Variants in RIMS2 observed in about 807,000 individuals in gnomAD.
The protein encoded by RIMS2 is regulating synaptic membrane exocytosis protein 2.
In RIMS2, 59 loss-of-function variants were observed where a neutral mutation model predicts 174.4. That is an observed-to-expected ratio of 0.34 (90% confidence interval 0.27 to 0.42). The LOEUF (loss-of-function observed/expected upper bound fraction) is 0.42, where lower values mean the gene tolerates loss of function less well. Ranked by LOEUF, RIMS2 falls within the 10% of genes least tolerant of loss-of-function variation. The pLI, the probability that RIMS2 is intolerant of heterozygous loss-of-function variation, is 1.00. For synonymous variants in RIMS2, 606 were observed against 572.5 expected, an observed-to-expected ratio of 1.06 and a Z score of -0.84; for missense variants, 1,620 against 1,666.3, an observed-to-expected ratio of 0.97 and a Z score of 0.48.
At chr8:103,647,788 T>C (rs1370718378) in intron 1 of RIMS2, among the ~76,000 whole-genome samples, 9 of 152,000 alleles carry the variant, frequency 5.9e-5, no homozygotes, top group African/African-American at 2.2e-4. Flanking sequence ...TTTCTGATTG[T>C]GTTTATTTGA....
chr8:103,595,460 CT>C (rs1224567561), intron 1 of RIMS2, among the ~76,000 whole-genome samples: 1 of 151,690 alleles, frequency 6.6e-6, no homozygotes. Context: ...CAATAATTGG[CT>C]GTGGGGCCCT....
intron 1 of RIMS2, among the ~76,000 whole-genome samples, chr8:103,573,643 T>G (rs1208908654): frequency 6.6e-6 from 1 of 152,176 alleles, no homozygotes; most frequent in African/African-American, 2.4e-5. Context: ...AGTTGGGTAA[T>G]GTGATACCTC....
At chr8:103,989,233 C>A in intron 16 of RIMS2, 72 bp from the exon 19 acceptor site, 1 of 938,084 alleles carries the variant, frequency 1.1e-6, no homozygotes, top group South Asian at 1.5e-5. Flanking sequence ...TTCTACTGTG[C>A]TTTAAAATAA....
At chr8:104,083,182 G>A (rs2097458395) in intron 19 of RIMS2, among the ~76,000 whole-genome samples, 1 of 152,046 alleles carries the variant, frequency 6.6e-6, no homozygotes, top group Non-Finnish European at 1.5e-5. Flanking sequence ...CAATTCTCAG[G>A]CCCCTTCAGG....
intron 19 of RIMS2, among the ~76,000 whole-genome samples, chr8:104,070,543 G>A (rs938702761): frequency 2.3e-4 from 35 of 152,026 alleles, no homozygotes; most frequent in Non-Finnish European, 3.8e-4. Context: ...TTTTTCATTT[G>A]TTTGTTTTGT....
intron 17 of RIMS2, among the ~76,000 whole-genome samples, chr8:103,992,737 T>C (rs766172934): frequency 6.6e-6 from 1 of 152,220 alleles, no homozygotes; most frequent in African/African-American, 2.4e-5. Flanking sequence ...GTCAAAATCC[T>C]ATTCTGCTTT....
chr8:104,047,678 A>T (rs1198449067), intron 19 of RIMS2, among the ~76,000 whole-genome samples: 1 of 152,282 alleles, frequency 6.6e-6, no homozygotes, highest in East Asian at 1.9e-4. Flanking sequence ...TTTATTTCAA[A>T]TCATCTGCAT....
intron 1 of RIMS2, among the ~76,000 whole-genome samples, chr8:103,644,112 T>C (rs1374823223): frequency 2.6e-5 from 4 of 151,996 alleles, no homozygotes; most frequent in African/African-American, 2.4e-5. Context: ...ATAATACTTA[T>C]GCAAGTGTGT....
intron 1 of RIMS2, among the ~76,000 whole-genome samples, chr8:103,603,326 CTCA>C (rs1370185736): frequency 2.0e-5 from 3 of 151,862 alleles, no homozygotes; most frequent in Non-Finnish European, 4.4e-5. Flanking sequence ...AGGACATGAA[CTCA>C]TCATGTTTTA....
intron 1 of RIMS2, among the ~76,000 whole-genome samples, chr8:103,523,643 TAG>T (rs1832736963): frequency 6.6e-6 from 1 of 152,078 alleles, no homozygotes; most frequent in African/African-American, 2.4e-5. Context: ...GTCAGTGTTA[TAG>T]AGTGAGGGCA....
chr8:103,867,445 A>T (rs2099089189), intron 3 of RIMS2, among the ~76,000 whole-genome samples: 1 of 151,842 alleles, frequency 6.6e-6, no homozygotes, highest in Non-Finnish European at 1.5e-5. Context: ...TATTGGCTTA[A>T]ATAAATTATA....
intron 3 of RIMS2, among the ~76,000 whole-genome samples, chr8:103,865,056 C>T (rs557697065): frequency 6.6e-6 from 1 of 151,878 alleles, no homozygotes; most frequent in Non-Finnish European, 1.5e-5. Flanking sequence ...TCATAGCACA[C>T]ATAGAAAATG....
intron 1 of RIMS2, among the ~76,000 whole-genome samples, chr8:103,588,081 C>A (rs1021864033): frequency 6.6e-6 from 1 of 151,678 alleles, no homozygotes; most frequent in Non-Finnish European, 1.5e-5. Context: ...AAGCAACATA[C>A]AAAATCAGTA....
At chr8:103,622,475 G>C (rs1039682961) in intron 1 of RIMS2, among the ~76,000 whole-genome samples, 1 of 151,924 alleles carries the variant, frequency 6.6e-6, no homozygotes, top group Non-Finnish European at 1.5e-5. Flanking sequence ...TATCTTTCCT[G>C]TCTCTATTTT....
chr8:104,055,881 C>T (rs2096860093), intron 19 of RIMS2, among the ~76,000 whole-genome samples: 1 of 151,962 alleles, frequency 6.6e-6, no homozygotes, highest in Admixed American at 6.6e-5. Context: ...CTGGCTAATC[C>T]TCTCTTTCTT....
At chr8:103,855,540 AT>A (rs2099023060) in intron 3 of RIMS2, among the ~76,000 whole-genome samples, 1 of 151,914 alleles carries the variant, frequency 6.6e-6, no homozygotes, top group Admixed American at 6.6e-5. Context: ...CATCTCAGAG[AT>A]TTTGGTAAGT....
chr8:103,863,506 C>T (rs1002952252), intron 3 of RIMS2, among the ~76,000 whole-genome samples: 1 of 152,024 alleles, frequency 6.6e-6, no homozygotes, highest in Non-Finnish European at 1.5e-5. Context: ...GGAATATATA[C>T]AGTGGGATTG....
intron 1 of RIMS2, among the ~76,000 whole-genome samples, chr8:103,529,396 G>A (rs528061893): frequency 6.4e-4 from 98 of 152,290 alleles, no homozygotes; most frequent in Admixed American, 1.8e-3. Flanking sequence ...AGCAATGAGC[G>A]AGGCTCCGTG....
intron 3 of RIMS2, among the ~76,000 whole-genome samples, chr8:103,825,246 A>G (rs571960780): frequency 1.8e-4 from 27 of 151,782 alleles, no homozygotes; most frequent in Admixed American, 3.3e-4. Flanking sequence ...TCTTTTTTTG[A>G]TAAGGCATTT....
Sources: gnomAD v4.1 joint callset for allele counts (sites outside exome capture counted in the v4.1 genomes callset) on GRCh38, gnomAD v4.1.1 for gene constraint, MANE v1.5 for transcripts, NCBI Gene and HGNC (gene_info 2026-07-23, HGNC 2026-07-21) for gene names.